MTSS1: variants seen among roughly 807,000 people sequenced by gnomAD.
The protein encoded by MTSS1 is MTSS I-BAR domain containing 1, also known as protein MTSS 1.
MTSS1 carries 18 observed loss-of-function variants against 79.0 expected under a neutral mutation model. The observed-to-expected ratio is 0.23, with a 90% CI of 0.16 to 0.34. MTSS1 has a LOEUF of 0.34. MTSS1 is among the 10% of genes least tolerant of loss of function. The pLI, the probability that MTSS1 is intolerant of heterozygous loss-of-function variation, is 1.00. For missense variants in MTSS1, 815 were observed against 986.2 expected (o/e 0.83, Z 2.33); for synonymous variants, 341 against 368.6 (o/e 0.93, Z 0.86).
chr8:124,558,494 T>G (rs986552720), intron 10 of MTSS1, among the ~76,000 whole-genome samples: 2 of 152,156 alleles, frequency 1.3e-5, no homozygotes, highest in Non-Finnish European at 2.9e-5. Context: ...CCCATACCCC[T>G]TCCTCTCCCT....
chr8:124,577,878 GA>G (rs1406076746), intron 6 of MTSS1, among the ~76,000 whole-genome samples: 1 of 152,182 alleles, frequency 6.6e-6, no homozygotes, highest in African/African-American at 2.4e-5. Context: ...TTTTACCATA[GA>G]GGCAGAGCCA....
At chr8:124,679,855 A>C (rs1397494809) in intron 3 of MTSS1, among the ~76,000 whole-genome samples, 1 of 152,246 alleles carries the variant, frequency 6.6e-6, no homozygotes, top group African/African-American at 2.4e-5. Flanking sequence ...GAGAAAATTC[A>C]TACGATGCAT....
intron 3 of MTSS1, among the ~76,000 whole-genome samples, chr8:124,669,099 C>A (rs1344585623): frequency 6.6e-6 from 1 of 152,150 alleles, no homozygotes; most frequent in Non-Finnish European, 1.5e-5. Context: ...CAGTAAACAC[C>A]AGCCACAAAA....
rs16899702 is a variant in MTSS1 at position 124,562,806 on chromosome 8, G to T, written c.1011C>A (p.Pro337=). 0.01 allele frequency: 16,203 copies of T among 1,614,068 alleles called. 1,140 individuals carry two copies. The African/African-American group carries it at 0.17, about 17-fold the overall frequency. ...QDAFQSKSPS[P]MPPEAPNQLS... is the part of the protein sequence containing the mutation. Reference sequence around the variant, plus strand: ...CCTGGTTGGGGGCCTCTGGCGGCATGGGGGATGGTGACTTGGACTGGAAGG... The same window carrying T: ...CCTGGTTGGGGGCCTCTGGCGGCATTGGGGATGGTGACTTGGACTGGAAGG... Residue 337 remains proline (P), a synonymous_variant, in exon 10 of 14, where the codon CCC becomes CCA. Coordinates refer to ENST00000518547, the MANE Select transcript of MTSS1 (RefSeq NM_014751.6).
intron 3 of MTSS1, among the ~76,000 whole-genome samples, chr8:124,638,020 A>G (rs770576640): frequency 4.6e-5 from 7 of 152,260 alleles, no homozygotes; most frequent in Non-Finnish European, 7.3e-5. Flanking sequence ...GGAGCAGCGT[A>G]GTACTTCCCA....
At position 124,665,867 on chromosome 8, in the gene MTSS1, C is replaced by CAAAA. The variant is rs61669209; in HGVS notation, c.208+33655_208+33658dup. ...GGGCAATACGAGTGAAACTCCTTCTCAAAAAAAAAAAAAAAAAAATCTGGC... is the reference window on the plus strand; with the variant it reads ...GGGCAATACGAGTGAAACTCCTTCTCAAAAAAAAAAAAAAAAAAAAAAATCTGGC... On this transcript the variant is annotated intron_variant, in intron 3 of 13. Transcript: ENST00000518547. Among the ~76,000 whole-genome samples, 387 of 102,876 alleles carry CAAAA rather than the reference C, an allele frequency of 3.8e-3. 6 individuals are homozygous for CAAAA. The highest frequency in any genetic ancestry group is 0.012 in the African/African-American group (347 of 29,172). 67.5% of individuals were successfully genotyped at this position (102,876 alleles called of 152,430 possible).
intron 3 of MTSS1, among the ~76,000 whole-genome samples, chr8:124,643,633 G>C (rs939055134): frequency 6.7e-6 from 1 of 148,554 alleles, no homozygotes; most frequent in African/African-American, 2.5e-5. Flanking sequence ...GGGAGGCAGA[G>C]GCTGTGGTGA....
At chr8:124,699,496 A>T in intron 3 of MTSS1, 30 bp downstream of exon 3, 1 of 1,608,152 alleles carries the variant, frequency 6.2e-7, no homozygotes, top group African/African-American at 1.3e-5. Flanking sequence ...GAATGCAGTT[A>T]ACACTGGGAG....
At chr8:124,573,104 G>A (rs10094916) in intron 6 of MTSS1, among the ~76,000 whole-genome samples, 49,398 of 152,102 alleles carry the variant, frequency 0.32, 9,507 homozygotes, top group Non-Finnish European at 0.44. Context: ...CCCATTGCTC[G>A]CAAGAAAAGA....
At chr8:124,616,918 G>A (rs372935953) in intron 3 of MTSS1, among the ~76,000 whole-genome samples, 113 of 152,278 alleles carry the variant, frequency 7.4e-4, no homozygotes, top group Middle Eastern at 6.8e-3. Flanking sequence ...AATAGGGATC[G>A]ATTAACAATC....
intron 3 of MTSS1, among the ~76,000 whole-genome samples, chr8:124,692,420 T>C (rs561551270): frequency 5.1e-4 from 77 of 152,166 alleles, no homozygotes; most frequent in African/African-American, 1.8e-3. Flanking sequence ...AAGACTCTAA[T>C]TACACGAAAG....
intron 4 of MTSS1, among the ~76,000 whole-genome samples, chr8:124,590,412 C>T (rs1308040360): frequency 6.6e-6 from 1 of 152,186 alleles, no homozygotes; most frequent in African/African-American, 2.4e-5. Flanking sequence ...CAAGATTCTG[C>T]TGTGCATGCG....
At chr8:124,570,770 A>G (rs572486412) in intron 6 of MTSS1, among the ~76,000 whole-genome samples, 2 of 152,274 alleles carry the variant, frequency 1.3e-5, no homozygotes, top group Admixed American at 6.5e-5. Flanking sequence ...TGGAATGATC[A>G]TAGCTCATTG....
At chr8:124,604,167 C>T (rs1436634205) in intron 3 of MTSS1, among the ~76,000 whole-genome samples, 1 of 151,980 alleles carries the variant, frequency 6.6e-6, no homozygotes, top group East Asian at 1.9e-4. Flanking sequence ...GAGCCGAAAT[C>T]AAGCCATTGC....
At chr8:124,577,176 T>C (rs982460502) in intron 6 of MTSS1, among the ~76,000 whole-genome samples, 1 of 152,222 alleles carries the variant, frequency 6.6e-6, no homozygotes, top group South Asian at 2.1e-4. Context: ...TCCTCAGTTA[T>C]AAAATACATC....
At chr8:124,718,409 G>A (rs1377271351) in intron 1 of MTSS1, among the ~76,000 whole-genome samples, 6 of 152,018 alleles carry the variant, frequency 3.9e-5, no homozygotes, top group South Asian at 2.1e-4. Flanking sequence ...TCCCTCCAGC[G>A]GAGGCTCAGA....
intron 3 of MTSS1, among the ~76,000 whole-genome samples, chr8:124,645,300 G>A (rs1433117840): frequency 1.3e-5 from 2 of 152,188 alleles, no homozygotes; most frequent in African/African-American, 4.8e-5. Flanking sequence ...GGCTGAGGCG[G>A]GAGGACTGTT....
rs774136029 is a variant in MTSS1 at position 124,565,646 on chromosome 8, C to T, written c.824+16G>A. On this transcript the variant is annotated intron_variant, in intron 9 of 13. Coordinates refer to ENST00000518547, the MANE Select transcript of MTSS1 (RefSeq NM_014751.6). The stretch of plus-strand genomic sequence containing the variant: ...GACCCGTCCTGAAAGCAAGAGTGGA[C>T]CCCGGCTTCACTCACCTGCAGACAC... 19 of 1,606,198 alleles carry T rather than the reference C, an allele frequency of 1.2e-5. No homozygotes were observed. Among genetic ancestry groups the T allele is most frequent in the Admixed American group, 3.3e-5 (2 of 59,980 alleles).
At chr8:124,626,109 T>C (rs1048268299) in intron 3 of MTSS1, among the ~76,000 whole-genome samples, 4 of 152,140 alleles carry the variant, frequency 2.6e-5, no homozygotes, top group Non-Finnish European at 4.4e-5. Context: ...TTGAAAAGGA[T>C]GGTCATAATG....
Sources: allele counts gnomAD v4.1 joint callset (sites outside exome capture counted in the v4.1 genomes callset), GRCh38; gene constraint gnomAD v4.1.1; transcripts MANE v1.5; gene names NCBI Gene and HGNC (gene_info 2026-07-23, HGNC 2026-07-21).